LYRM4: variants seen among roughly 807,000 people sequenced by gnomAD.
LYRM4 encodes the protein LYR motif-containing protein 4.
In LYRM4, 9 loss-of-function variants were observed where a neutral mutation model predicts 11.7. The ratio of observed to expected loss-of-function variants is 0.77; its 90% CI spans 0.46 to 1.34. The LOEUF (loss-of-function observed/expected upper bound fraction) is 1.34, where lower values mean the gene tolerates loss of function less well. Among genes scored for constraint, LYRM4 ranks in the 40% most tolerant of loss-of-function variants. The pLI is 0.00. For missense variants in LYRM4, 133 were observed against 112.5 expected (o/e 1.18, Z -0.82); for synonymous variants, 42 against 40.4 (o/e 1.04, Z -0.15).
intron 2 of LYRM4, among the ~76,000 whole-genome samples, chr6:5,178,803 T>TTAA (rs1561851422): frequency 3.7e-3 from 12 of 3,278 alleles, no homozygotes; most frequent in South Asian, 0.011. Flanking sequence ...AGACTCTGTC[T>TTAA]CAAAAAAAAA....
At chr6:5,072,759 G>T in the LYRM4 span, among the ~76,000 whole-genome samples, 64 of 151,980 alleles carry the variant, frequency 4.2e-4, no homozygotes, top group African/African-American at 1.4e-3. Flanking sequence ...TTGTTTGTTT[G>T]TTTGTTTTTA....
chr6:5,172,262 C>T (rs1284881083), intron 2 of LYRM4, among the ~76,000 whole-genome samples: 2 of 152,170 alleles, frequency 1.3e-5, no homozygotes, highest in African/African-American at 4.8e-5. Context: ...GCTGGGAAAG[C>T]ACGCTGTAAC....
intron 1 of LYRM4, among the ~76,000 whole-genome samples, chr6:5,241,022 T>C (rs1025712069): frequency 2.0e-5 from 3 of 152,234 alleles, no homozygotes; most frequent in Admixed American, 2.0e-4. Flanking sequence ...GCTGGCTCCA[T>C]ACCAACTTTG....
intron 1 of LYRM4, 96 bp from the exon 2 acceptor site, chr6:5,216,834 T>C: frequency 7.1e-7 from 1 of 1,409,272 alleles, no homozygotes; most frequent in South Asian, 1.4e-5. Context: ...GAATTAACTG[T>C]TTAATCTTCC....
At chr6:5,216,880 G>A (rs1306026267) in intron 1 of LYRM4, 142 bp from the exon 2 acceptor site, 21 of 1,003,992 alleles carry the variant, frequency 2.1e-5, no homozygotes, top group East Asian at 5.3e-5. Flanking sequence ...TGCTCGTGGC[G>A]CAGGCTGATC....
At chr6:5,176,352 C>T (rs1386399407) in intron 2 of LYRM4, among the ~76,000 whole-genome samples, 1 of 152,116 alleles carries the variant, frequency 6.6e-6, no homozygotes. Context: ...CATGAGCCAC[C>T]GTGCCTGGCC....
intron 2 of LYRM4, among the ~76,000 whole-genome samples, chr6:5,157,532 T>C (rs922555871): frequency 2.7e-5 from 4 of 150,114 alleles, no homozygotes; most frequent in African/African-American, 7.3e-5. Context: ...AAAAGAAGAC[T>C]GAAATCTTAC....
chr6:5,188,406 A>G (rs1159157767), intron 2 of LYRM4, among the ~76,000 whole-genome samples: 1 of 152,186 alleles, frequency 6.6e-6, no homozygotes, highest in Non-Finnish European at 1.5e-5. Flanking sequence ...TATTTTGATT[A>G]AAAAATGGTA....
rs560685485 is a variant in LYRM4 at position 5,197,673 on chromosome 6, C to CA, written c.207+18944dup. 2.6e-3 allele frequency among the ~76,000 whole-genome samples: 391 copies of CA among 151,336 alleles called. 4 individuals carry two copies. Among genetic ancestry groups the CA allele is most frequent in the Non-Finnish European group, 4.0e-3 (272 of 67,830 alleles). On this transcript the variant is annotated intron_variant, in intron 2 of 2. Coordinates refer to ENST00000330636, the MANE Select transcript of LYRM4 (RefSeq NM_020408.6). ...TGGGTGACAGAGTGAGACGCTGCCT[C>CA]AAAAAAAATAAATAAATAAAATAAA...
chr6:5,085,999 G>A, the LYRM4 span: 7 of 1,524,212 alleles, frequency 4.6e-6, no homozygotes, highest in African/African-American at 7.1e-5. Context: ...TATGCGTGCC[G>A]AGGACCTGGA....
chr6:5,260,674 G>C lies in LYRM4; in HGVS notation c.60C>G (p.Ser20Arg). The C allele has an allele frequency of 6.5e-7, 1 of 1,548,558 alleles. No homozygotes were observed. The highest frequency in any genetic ancestry group is 1.2e-5 in the South Asian group (1 of 84,452). ...LSLYRAMLRE[S>R]KRFSAYNYRT... ...TGTAATTGTAGGCGCTGAAACGCTT[G>C]CTCTCTCTCAGCATCGCCCGGTACA... is the stretch of plus-strand genomic sequence containing the variant. The change falls in exon 1 of 3, where the codon AGC becomes AGG. Residue 20 changes from serine (S) to arginine (R), a missense_variant. Physicochemically the swap from Ser to Arg is moderately radical, Grantham distance 110 (BLOSUM62 -1). Coordinates refer to ENST00000330636, the MANE Select transcript of LYRM4 (RefSeq NM_020408.6).
intron 2 of LYRM4, among the ~76,000 whole-genome samples, chr6:5,129,149 C>T (rs963670946): frequency 2.6e-5 from 4 of 151,990 alleles, no homozygotes; most frequent in Non-Finnish European, 5.9e-5. Context: ...CTGCGTCTAC[C>T]TGCTCCCGCA....
At chr6:5,257,570 G>A (rs1561907955) in intron 1 of LYRM4, among the ~76,000 whole-genome samples, 2 of 152,140 alleles carry the variant, frequency 1.3e-5, no homozygotes, top group Non-Finnish European at 2.9e-5. Context: ...GTTAGGAACC[G>A]GGCCACACAG....
chr6:5,145,743 C>T (rs986457507), intron 2 of LYRM4, among the ~76,000 whole-genome samples: 5 of 152,154 alleles, frequency 3.3e-5, no homozygotes, highest in African/African-American at 9.7e-5. Flanking sequence ...CTTTAATATA[C>T]GCCCACTTCA....
At chr6:5,144,655 A>G (rs1423654584) in intron 2 of LYRM4, among the ~76,000 whole-genome samples, 1 of 146,670 alleles carries the variant, frequency 6.8e-6, no homozygotes, top group East Asian at 2.0e-4. Context: ...AAAAAAAAAA[A>G]GAAATACGTC....
chr6:5,195,970 C>T (rs149523914), intron 2 of LYRM4, among the ~76,000 whole-genome samples: 2 of 152,310 alleles, frequency 1.3e-5, no homozygotes, highest in East Asian at 3.9e-4. Flanking sequence ...ACAGCAAACC[C>T]TTATATTGCA....
At chr6:5,071,158 C>T in the LYRM4 span, among the ~76,000 whole-genome samples, 1 of 150,002 alleles carries the variant, frequency 6.7e-6, no homozygotes, top group Non-Finnish European at 1.5e-5. Context: ...CATTGCACTC[C>T]AGCCTGGGTG....
At chr6:5,101,968 C>CTTGTTTTTTTTTTTTTTTTTTTTT (rs1762513713), downstream of LYRM4, among the ~76,000 whole-genome samples, 2 of 67,986 alleles carry the variant, frequency 2.9e-5, no homozygotes, top group African/African-American at 4.6e-5. Context: ...CTAATGCTTT[C>CTTGTTTTTTTTTTTTTTTTTTTTT]TTTTTTTTTT....
intron 2 of LYRM4, among the ~76,000 whole-genome samples, chr6:5,212,701 A>G (rs910301019): frequency 6.6e-6 from 1 of 152,212 alleles, no homozygotes; most frequent in Non-Finnish European, 1.5e-5. Flanking sequence ...AAGGTAGAAG[A>G]ATGTCTCTGC....
Sources: allele counts gnomAD v4.1 joint callset (sites outside exome capture counted in the v4.1 genomes callset), GRCh38; gene constraint gnomAD v4.1.1; transcripts MANE v1.5; gene names NCBI Gene and HGNC (gene_info 2026-07-23, HGNC 2026-07-21).